CPEB1: variants seen among roughly 807,000 people sequenced by gnomAD.
CPEB1 encodes cytoplasmic polyadenylation element binding protein 1, also known as cytoplasmic polyadenylation element-binding protein 1.
In CPEB1, 7 loss-of-function variants were observed where a neutral mutation model predicts 65.8. The observed-to-expected ratio is 0.11, with a 90% CI of 0.06 to 0.20. The LOEUF is 0.20. CPEB1 is among the 10% of genes least tolerant of loss of function. The pLI is 1.00. For missense variants in CPEB1, 551 were observed against 712.2 expected, an observed-to-expected ratio of 0.77 and a Z score of 2.58; for synonymous variants, 262 against 260.0, an observed-to-expected ratio of 1.01 and a Z score of -0.08.
At chr15:82,555,757 C>T in intron 6 of CPEB1, 113 bp downstream of exon 6, 1 of 1,129,056 alleles carries the variant, frequency 8.9e-7, no homozygotes, top group Non-Finnish European at 1.2e-6. Context: ...CTGGAGACTT[C>T]ACCATGCAAC....
intron 3 of CPEB1, among the ~76,000 whole-genome samples, chr15:82,588,378 A>G (rs759559883): frequency 2.6e-5 from 4 of 152,238 alleles, no homozygotes; most frequent in South Asian, 2.1e-4. Context: ...TACCTTTCAA[A>G]GATTTTTATG....
intron 3 of CPEB1, among the ~76,000 whole-genome samples, chr15:82,601,029 C>A (rs2043069866): frequency 1.3e-5 from 2 of 150,548 alleles, no homozygotes; most frequent in Admixed American, 6.6e-5. Context: ...CTCAGCCTCC[C>A]GAGTAGCTGG....
chr15:82,594,305 TC>T (rs1269581713), intron 3 of CPEB1, among the ~76,000 whole-genome samples: 1 of 152,108 alleles, frequency 6.6e-6, no homozygotes. Context: ...ACTTGCTGCT[TC>T]ATCTTGCACA....
chr15:82,580,156 C>T (rs2041127546), intron 3 of CPEB1, among the ~76,000 whole-genome samples: 2 of 151,018 alleles, frequency 1.3e-5, no homozygotes, highest in South Asian at 4.2e-4. Context: ...CCCTTCTCTA[C>T]TAAAAATACT....
At chr15:82,643,486 G>A (rs1013475709) in intron 1 of CPEB1, among the ~76,000 whole-genome samples, 2 of 151,916 alleles carry the variant, frequency 1.3e-5, no homozygotes, top group African/African-American at 4.8e-5. Context: ...AAAATTAGCC[G>A]GGCGTGGTGG....
chr15:82,592,124 G>A (rs2051559903), intron 3 of CPEB1, among the ~76,000 whole-genome samples: 1 of 151,912 alleles, frequency 6.6e-6, no homozygotes, highest in Non-Finnish European at 1.5e-5. Flanking sequence ...TTACAAGCAG[G>A]AGCCACCACG....
At chr15:82,638,330 T>C (rs1338701108) in intron 1 of CPEB1, among the ~76,000 whole-genome samples, 1 of 152,196 alleles carries the variant, frequency 6.6e-6, no homozygotes, top group Admixed American at 6.5e-5. Context: ...TCCTATCTGT[T>C]AGTCATTTGA....
chr15:82,605,352 C>CT (rs201826434), intron 3 of CPEB1, among the ~76,000 whole-genome samples: 1,588 of 151,898 alleles, frequency 0.01, 15 homozygotes, highest in African/African-American at 0.011. Flanking sequence ...ATATTTTTGT[C>CT]TTTTTTTTCT....
intron 3 of CPEB1, among the ~76,000 whole-genome samples, chr15:82,616,811 T>A (rs1341016762): frequency 6.6e-6 from 1 of 152,206 alleles, no homozygotes; most frequent in Non-Finnish European, 1.5e-5. Flanking sequence ...TGCATTTAAA[T>A]CCTACCATTC....
At chr15:82,617,486 T>C (rs1388203960) in intron 3 of CPEB1, among the ~76,000 whole-genome samples, 1 of 152,096 alleles carries the variant, frequency 6.6e-6, no homozygotes, top group Non-Finnish European at 1.5e-5. Flanking sequence ...GGAGCCCACA[T>C]GATGAATAAT....
At chr15:82,623,290 T>C (rs1037877362) in intron 3 of CPEB1, among the ~76,000 whole-genome samples, 19 of 152,200 alleles carry the variant, frequency 1.2e-4, no homozygotes, top group Non-Finnish European at 5.9e-5. Flanking sequence ...TGCATGCAAC[T>C]AGCAATGTGA....
intron 3 of CPEB1, chr15:82,583,229 T>A (rs2151109040): frequency 6.6e-6 from 1 of 152,306 alleles, no homozygotes; most frequent in Non-Finnish European, 1.5e-5. Context: ...ATCTACTGCT[T>A]ATGGTATGGG....
chr15:82,642,650 C>T (rs1403829480), intron 1 of CPEB1, among the ~76,000 whole-genome samples: 2 of 152,190 alleles, frequency 1.3e-5, no homozygotes, highest in Non-Finnish European at 2.9e-5. Context: ...AAAATTCTTA[C>T]ATAACCCCCT....
At chr15:82,596,356 C>T (rs1306838545) in intron 3 of CPEB1, among the ~76,000 whole-genome samples, 1 of 151,892 alleles carries the variant, frequency 6.6e-6, no homozygotes, top group Non-Finnish European at 1.5e-5. Flanking sequence ...ATAAGCTTTC[C>T]ATCTGAGAAA....
chr15:82,600,016 C>T (rs2042970009), intron 3 of CPEB1, among the ~76,000 whole-genome samples: 1 of 151,832 alleles, frequency 6.6e-6, no homozygotes, highest in African/African-American at 2.4e-5. Flanking sequence ...AAATGAGGCA[C>T]AGGAAATATA....
intron 3 of CPEB1, among the ~76,000 whole-genome samples, chr15:82,601,472 C>T (rs1303046517): frequency 6.6e-6 from 1 of 151,972 alleles, no homozygotes; most frequent in Non-Finnish European, 1.5e-5. Flanking sequence ...AACCAGGAGG[C>T]GGAGGTTGCA....
At chr15:82,648,044 C>A (rs1028038872), upstream of CPEB1, 1 of 439,002 alleles carries the variant, frequency 2.3e-6, no homozygotes, top group African/African-American at 2.1e-5. Flanking sequence ...GGATGCGGAG[C>A]ACCTGTGTCG....
rs372288959 is a variant in CPEB1 at position 82,617,926 on chromosome 15, G to A, written c.271+9267C>T. ...TTTTTTGTATTTTTAGTAGAGACGG[G>A]GTTTCACCGTTTTAGCCGGGATGGT... On this transcript the variant is annotated intron_variant, in intron 3 of 12. Transcript: ENST00000684509. Among the ~76,000 whole-genome samples the A allele has an allele frequency of 1.7e-3, 251 of 150,908 alleles. 1 individual carries two copies. Among genetic ancestry groups the A allele is most frequent in the African/African-American group, 5.8e-3 (239 of 41,228 alleles).
intron 1 of CPEB1, among the ~76,000 whole-genome samples, chr15:82,643,657 G>A (rs587705970): frequency 6.0e-5 from 9 of 149,500 alleles, no homozygotes; most frequent in Admixed American, 3.3e-4. Context: ...TGAAATATAG[G>A]AAAAAAAAAA....
Sources: gnomAD v4.1 joint callset for allele counts (sites outside exome capture counted in the v4.1 genomes callset) on GRCh38, gnomAD v4.1.1 for gene constraint, MANE v1.5 for transcripts, NCBI Gene and HGNC (gene_info 2026-07-23, HGNC 2026-07-21) for gene names.